The following ATG2B variants were observed in gnomAD, a reference collection of about 807,000 sequenced individuals.
ATG2B encodes the protein autophagy related 2B.
In ATG2B, 121 loss-of-function variants were observed where a neutral mutation model predicts 241.3. The ratio of observed to expected loss-of-function variants is 0.50; its 90% CI spans 0.43 to 0.58. The LOEUF (loss-of-function observed/expected upper bound fraction) is 0.58, where lower values mean the gene tolerates loss of function less well. Among genes scored for constraint, ATG2B ranks in the 20% least tolerant of loss-of-function variants. ATG2B has a pLI of 0.00. For missense variants in ATG2B, 2,306 were observed against 2,491.6 expected (o/e 0.93, Z 1.59); for synonymous variants, 858 against 876.6 (o/e 0.98, Z 0.37).
At chr14:96,313,194 T>A in intron 24 of ATG2B, 37 bp from the exon 25 acceptor site, 2 of 1,490,140 alleles carry the variant, frequency 1.3e-6, no homozygotes, top group Non-Finnish European at 1.9e-6. Flanking sequence ...ATCAGTTTGA[T>A]ACGGCTCCAG....
In ATG2B at chr14:96,290,798, AAAG is replaced by A; in HGVS notation, c.5701+13_5701+15del. On this transcript the variant is annotated intron_variant, in intron 39 of 41. Transcript: ENST00000359933. This position sits in a 1 kb window ranked among gnomAD's most constrained non-coding sequence, Gnocchi z 4.4. ...AAAAATAACTTATCTTTTGATTAAA[AAAG>A]AAGAAAACTCACCTAATTGTACTAG... The A allele has an allele frequency of 6.3e-7, 1 of 1,592,298 alleles. No homozygotes were observed. Among genetic ancestry groups the A allele is most frequent in the African/African-American group, 1.4e-5 (1 of 73,498 alleles).
At chr14:96,311,308 G>A in intron 27 of ATG2B, 21 bp from the exon 28 acceptor site, 1 of 1,582,674 alleles carries the variant, frequency 6.3e-7, no homozygotes, top group Non-Finnish European at 8.6e-7. Flanking sequence ...CACAGAAAAA[G>A]GGATGAAAAT....
intron 6 of ATG2B, among the ~76,000 whole-genome samples, chr14:96,339,298 G>A (rs1003055916): frequency 2.0e-5 from 3 of 151,370 alleles, no homozygotes; most frequent in African/African-American, 7.3e-5. Context: ...GTGTGTGTGT[G>A]TGTGTGTATA....
At chr14:96,323,349 T>C (rs1371939698) in intron 16 of ATG2B, among the ~76,000 whole-genome samples, 1 of 152,198 alleles carries the variant, frequency 6.6e-6, no homozygotes, top group Non-Finnish European at 1.5e-5. Context: ...TTCCTAAGCT[T>C]CTACAGAACA....
At position 96,289,422 on chromosome 14, in the gene ATG2B, AAG is replaced by A; in HGVS notation, c.6006+232_6006+233del. The A allele has an allele frequency of 2.4e-6, 1 of 419,476 alleles. No individual in the cohort carries two copies. The highest frequency in any genetic ancestry group is 4.3e-6 in the Non-Finnish European group (1 of 231,916). 26.0% of individuals were successfully genotyped at this position (419,476 alleles called of 1,614,324 possible). A position where few individuals can be genotyped will look rare whatever the true frequency, so the allele number is the denominator to read the frequency against. ...CACTCCCTGAGTGCTTCTGCAGGTG[AAG>A]AGAGAGAATCCATCCACCCACGCAA... On this transcript the variant is annotated intron_variant, in intron 41 of 41. Transcript: ENST00000359933. The surrounding 1 kb of genome is among the most constrained non-coding windows in gnomAD (Gnocchi z 4.3).
At position 96,317,219 on chromosome 14, in the gene ATG2B, T is replaced by C; in HGVS notation, c.3136A>G (p.Lys1046Glu). Residue 1046 changes from lysine to glutamate, a missense_variant, in exon 20 of 42, where the codon AAG (lysine) becomes GAG (glutamate). Around this residue, in one of 2 missense-constraint regions of ATG2B, gnomAD observed 1,927 missense variants for 2,011.2 expected, o/e 0.96. Coordinates refer to ENST00000359933, the MANE Select transcript of ATG2B (RefSeq NM_018036.7). ...RRKKKLDSQNKNSQSFLSVLL... is the reference protein window; with the variant it reads ...RRKKKLDSQNENSQSFLSVLL... ...ACTGAGAGAAAACTCTGAGAGTTCTTGTTCTGAGAGTCTAATTTTTTTTTC... is the reference window on the plus strand; with the variant it reads ...ACTGAGAGAAAACTCTGAGAGTTCTCGTTCTGAGAGTCTAATTTTTTTTTC... 1.2e-6 allele frequency: 2 copies of C among 1,613,768 alleles called. No individual in the cohort carries two copies. Among genetic ancestry groups the C allele is most frequent in the Non-Finnish European group, 1.7e-6 (2 of 1,179,666 alleles).
At chr14:96,294,318 A>G (rs1180521878) in intron 36 of ATG2B, among the ~76,000 whole-genome samples, 1 of 152,204 alleles carries the variant, frequency 6.6e-6, no homozygotes, top group Admixed American at 6.5e-5. Flanking sequence ...TCTCTTTCCC[A>G]TAGGGCCAAG....
intron 5 of ATG2B, 81 bp downstream of exon 5, chr14:96,343,038 T>A: frequency 9.1e-7 from 1 of 1,099,010 alleles, no homozygotes; most frequent in East Asian, 2.6e-5. Flanking sequence ...ATATTATACA[T>A]CCTAGCAAAA....
intron 18 of ATG2B, among the ~76,000 whole-genome samples, chr14:96,319,637 G>T (rs1426680298): frequency 1.3e-5 from 2 of 152,104 alleles, no homozygotes; most frequent in Non-Finnish European, 2.9e-5. Flanking sequence ...CTTGAATGGG[G>T]TATGAGGATT....
At chr14:96,358,163 G>A (rs1169607458) in intron 1 of ATG2B, among the ~76,000 whole-genome samples, 3 of 152,172 alleles carry the variant, frequency 2.0e-5, no homozygotes, top group African/African-American at 4.8e-5. Flanking sequence ...GGCCTGGTAC[G>A]GTGGCTCATG....
At chr14:96,316,349 CT>C (rs1257394769) in intron 21 of ATG2B, among the ~76,000 whole-genome samples, 183 bp downstream of exon 21, 1 of 152,100 alleles carries the variant, frequency 6.6e-6, no homozygotes, top group Admixed American at 6.5e-5. Flanking sequence ...CTCAACAAAG[CT>C]ATTGCAAAAA....
chr14:96,325,214 G>A (rs1887558517), intron 15 of ATG2B, among the ~76,000 whole-genome samples: 1 of 151,842 alleles, frequency 6.6e-6, no homozygotes, highest in Non-Finnish European at 1.5e-5. Context: ...GTCCACAGAT[G>A]GTCTCATCTA....
Position 96,285,580 on chromosome 14 carries a change from A to T in ATG2B, c.*175T>A. ...ATTTCTATAGGCAAGTATCAACTATAAATGTCAGAAGTTTTTGGTTGCATG... is the reference window on the plus strand; with the variant it reads ...ATTTCTATAGGCAAGTATCAACTATTAATGTCAGAAGTTTTTGGTTGCATG... On this transcript the variant is annotated 3_prime_UTR_variant, in exon 42 of 42. Transcript: ENST00000359933. This position sits in a 1 kb window ranked among gnomAD's most constrained non-coding sequence, Gnocchi z 4.2. 1 of 626,750 alleles carries T rather than the reference A, an allele frequency of 1.6e-6. No homozygotes were observed. Among genetic ancestry groups the T allele is most frequent in the Non-Finnish European group, 2.8e-6 (1 of 359,088 alleles). The allele number at this position is 626,750 out of a possible 1,614,324, so 38.8% of individuals were successfully genotyped here.
At chr14:96,357,470 ATCTAAAGCCCCCACAT>A (rs1319774154) in intron 1 of ATG2B, among the ~76,000 whole-genome samples, 2 of 152,078 alleles carry the variant, frequency 1.3e-5, no homozygotes, top group African/African-American at 4.8e-5. Context: ...CTCTACCTGG[ATCTAAAGCCCCCACAT>A]TCTAAAGCCC....
chr14:96,359,751 C>T (rs1178164780), intron 1 of ATG2B, among the ~76,000 whole-genome samples: 1 of 152,208 alleles, frequency 6.6e-6, no homozygotes, highest in Non-Finnish European at 1.5e-5. Context: ...CTATTTCTCC[C>T]TCCACTTCAT....
chr14:96,308,611 A>G (rs1887069624), intron 29 of ATG2B, among the ~76,000 whole-genome samples: 2 of 151,704 alleles, frequency 1.3e-5, no homozygotes, highest in South Asian at 4.2e-4. Context: ...CTAGCTGCTA[A>G]CATTTATTAC....
chr14:96,343,012 A>C (rs1888082941), intron 5 of ATG2B, 107 bp downstream of exon 5: 16 of 738,880 alleles, frequency 2.2e-5, no homozygotes, highest in Non-Finnish European at 3.3e-5. Flanking sequence ...ATCTCAAGAC[A>C]GAGATTCATT....
In ATG2B at chr14:96,285,795, C is replaced by T. The variant is rs774587601; in HGVS notation, c.6197G>A (p.Arg2066Gln). ...GCGCCATTTCTGTGACTCGTCTTGC[C>T]GGACATCTGGCCTAATTTGGTTTCT... ...GMRNQIRPDVRQDESQKWRHG... is the reference protein window; with the variant it reads ...GMRNQIRPDVQQDESQKWRHG... Residue 2066 changes from arginine to glutamine, a missense_variant, in exon 42 of 42, where the codon CGG becomes CAG. Around this residue, in one of 2 missense-constraint regions of ATG2B, gnomAD observed 379 missense variants for 480.4 expected, o/e 0.79. Coordinates refer to ENST00000359933, the MANE Select transcript of ATG2B (RefSeq NM_018036.7). The surrounding 1 kb of genome is among the most constrained non-coding windows in gnomAD (Gnocchi z 4.2). 19 of 1,613,950 alleles carry T rather than the reference C, an allele frequency of 1.2e-5. No homozygotes were observed. The highest frequency in any genetic ancestry group is 8.9e-5 in the East Asian group (4 of 44,900).
At chr14:96,309,700 GA>G in intron 28 of ATG2B, 106 bp from the exon 29 acceptor site, 1 of 1,098,756 alleles carries the variant, frequency 9.1e-7, no homozygotes, top group Non-Finnish European at 1.2e-6. Context: ...AAAAACATCA[GA>G]AATAGAAACC....
Sources: allele counts gnomAD v4.1 joint callset (sites outside exome capture counted in the v4.1 genomes callset), GRCh38; gene constraint gnomAD v4.1.1; regional missense constraint gnomAD v4.1.1; non-coding constraint Gnocchi (gnomAD v3.1); transcripts MANE v1.5; gene names NCBI Gene and HGNC (gene_info 2026-07-23, HGNC 2026-07-21).